NBEAL2: variants seen among roughly 807,000 people sequenced by gnomAD.
NBEAL2 encodes the protein neurobeachin like 2, also known as neurobeachin-like protein 2.
Under a neutral mutation model 299.8 loss-of-function variants are expected in NBEAL2, and 160 were observed. That is an observed-to-expected ratio of 0.53 (90% CI 0.47 to 0.61). The LOEUF (loss-of-function observed/expected upper bound fraction) is 0.61, where lower values mean the gene tolerates loss of function less well. NBEAL2 is among the 20% of genes least tolerant of loss of function. NBEAL2 has a pLI of 0.00. For missense variants in NBEAL2, 3,112 were observed against 3,649.0 expected (o/e 0.85, Z 3.79); for synonymous variants, 1,493 against 1,542.3 (o/e 0.97, Z 0.75).
At chr3:46,993,457 G>T (rs890002951) in intron 10 of NBEAL2, among the ~76,000 whole-genome samples, 1 of 152,244 alleles carries the variant, frequency 6.6e-6, no homozygotes, top group Non-Finnish European at 1.5e-5. Context: ...GATCTAGGGG[G>T]AAGGGGCAAG....
In NBEAL2 at chr3:46,991,723, C is replaced by A. The variant is rs781039919; in HGVS notation, c.925+35C>A. Reference sequence around the variant, plus strand: ...GGCTCCCAGGCTCTTGGGGAAGGGGCACCATGAGGGAAAAGCCTAAGTGAT... The same window carrying A: ...GGCTCCCAGGCTCTTGGGGAAGGGGAACCATGAGGGAAAAGCCTAAGTGAT... On this transcript the variant is annotated intron_variant, in intron 8 of 53. Transcript: ENST00000450053. The surrounding 1 kb of genome is among the most constrained non-coding windows in gnomAD (Gnocchi z 6.2). 3 of 1,580,134 alleles carry A rather than the reference C, an allele frequency of 1.9e-6. No homozygotes were observed. The highest frequency in any genetic ancestry group is 2.3e-5 in the South Asian group (2 of 88,358).
Position 46,991,469 on chromosome 3 carries a change from T to C in NBEAL2, c.706T>C (p.Trp236Arg), listed in dbSNP as rs866678587. 1 of 1,612,378 alleles carries C rather than the reference T, an allele frequency of 6.2e-7. No homozygotes were observed. Among genetic ancestry groups the C allele is most frequent in the African/African-American group, 1.3e-5 (1 of 74,912 alleles). Residue 236 changes from tryptophan to arginine, a missense_variant, in exon 8 of 54, where the codon TGG (tryptophan) becomes CGG (arginine). Physicochemically the swap from Trp to Arg is moderately radical, Grantham distance 101. Transcript: ENST00000450053. This position sits in a 1 kb window ranked among gnomAD's most constrained non-coding sequence, Gnocchi z 6.2. ...GGGCCTGCTGAGTGTGGTGCGGGGC[T>C]GGAGCCGTGGGCCAGCCCCGGACCC... Reference protein sequence around the residue: ...VKGLLSVVRGWSRGPAPDPCL... With the variant: ...VKGLLSVVRGRSRGPAPDPCL...
At position 46,997,437 on chromosome 3, in the gene NBEAL2, A is replaced by AG; in HGVS notation, c.2824+5dup. 2 of 1,607,394 alleles carry AG rather than the reference A, an allele frequency of 1.2e-6. No individual in the cohort carries two copies. The highest frequency in any genetic ancestry group is 2.2e-5 in the South Asian group (2 of 90,972). On this transcript the variant is annotated splice_donor_region_variant and intron_variant, in intron 19 of 53. Coordinates refer to ENST00000450053, the MANE Select transcript of NBEAL2 (RefSeq NM_015175.3). ...CTCCCATTGGGTAAATCTTCAGGTA[A>AG]GTGTTCCTGGTGCCTATGTTGTGGA...
At chr3:46,983,723 G>A (rs2035505953) in intron 1 of NBEAL2, among the ~76,000 whole-genome samples, 1 of 152,124 alleles carries the variant, frequency 6.6e-6, no homozygotes, top group South Asian at 2.1e-4. Context: ...GCACCTGAAG[G>A]AGAAGGGCCT....
rs1305515278 is a variant in NBEAL2 at position 47,007,520 on chromosome 3, G to A, written c.7335-5G>A. ...CCTCACTTGCTATCCCCCTCACTGG[G>A]TCAGGACGCAGCGACTGCTGAGTGG... On this transcript the variant is annotated splice_polypyrimidine_tract_variant and splice_region_variant and intron_variant, in intron 47 of 53. Coordinates refer to ENST00000450053, the MANE Select transcript of NBEAL2 (RefSeq NM_015175.3). 1.9e-6 allele frequency: 3 copies of A among 1,609,778 alleles called. No individual in the cohort carries two copies. Among genetic ancestry groups the A allele is most frequent in the Non-Finnish European group, 2.5e-6 (3 of 1,178,448 alleles).
Position 47,003,781 on chromosome 3 carries a change from G to A in NBEAL2, c.5721-35G>A, listed in dbSNP as rs2037208790. ...TGGGCTTGTGAAGAAGGGGGTCCCA[G>A]AGCCTACAGCGTGAGGTGGGTTGCT... On this transcript the variant is annotated intron_variant, in intron 35 of 53. Transcript: ENST00000450053. This position sits in a 1 kb window ranked among gnomAD's most constrained non-coding sequence, Gnocchi z 7.0. The A allele has an allele frequency of 6.5e-7, 1 of 1,547,610 alleles. No individual in the cohort carries two copies. Among genetic ancestry groups the A allele is most frequent in the African/African-American group, 1.4e-5 (1 of 73,550 alleles).
intron 1 of NBEAL2, among the ~76,000 whole-genome samples, chr3:46,985,842 G>A (rs566950774): frequency 2.0e-5 from 3 of 152,296 alleles, no homozygotes; most frequent in East Asian, 1.9e-4. Context: ...TGGCACAACC[G>A]ACCAAGGCAG....
chr3:46,998,822 C>T lies in NBEAL2; in HGVS notation c.3327C>T (p.Asp1109=), dbSNP rs143491739. The T allele has an allele frequency of 1.6e-4, 246 of 1,571,980 alleles. No homozygotes were observed. Among genetic ancestry groups the T allele is most frequent in the Middle Eastern group, 3.3e-4 (2 of 6,012 alleles). The part of the protein sequence containing the change: ...EFLVRSLSAD[D]VQVTQTMLSF... ...TGGTGCGGAGTCTCTCAGCAGATGA[C>T]GTGCAGGTCACGCAGACCATGCTGA... The change falls in exon 23 of 54, where the codon GAC becomes GAT. Residue 1109 remains aspartate, a synonymous_variant. Transcript: ENST00000450053.
At position 47,002,676 on chromosome 3, in the gene NBEAL2, C is replaced by T. The variant is rs748487401; in HGVS notation, c.5333C>T (p.Ala1778Val). The T allele has an allele frequency of 3.7e-5, 59 of 1,607,012 alleles. No homozygotes were observed. The highest frequency in any genetic ancestry group is 2.0e-4 in the East Asian group (9 of 44,706). Residue 1778 changes from alanine (A) to valine (V), a missense_variant, in exon 33 of 54, where the codon GCG becomes GTG. By Grantham distance (64) the Ala-to-Val change is moderately conservative. Coordinates refer to ENST00000450053, the MANE Select transcript of NBEAL2 (RefSeq NM_015175.3). ...GTGCTGGAACCTGCGCAGAGGCGGG[C>T]GCGCCTGGAGGGGCTACGCTACACG... ...ELVLEPAQRR[A>V]RLEGLRYTAV... is the part of the protein sequence containing the mutation.
rs747202904 is a variant in NBEAL2 at position 46,995,562 on chromosome 3, C to T, written c.1827C>T (p.Leu609=). ...CTGGCTTCACCTTTCATGCCTGGCTCTGTCTGCACCCTATGGATACAGCAC... is the reference window on the plus strand; with the variant it reads ...CTGGCTTCACCTTTCATGCCTGGCTTTGTCTGCACCCTATGGATACAGCAC... The part of the protein sequence containing the change: ...PGPGFTFHAW[L]CLHPMDTAPT... The change falls in exon 13 of 54, where the codon CTC becomes CTT. Residue 609 remains leucine (L), a synonymous_variant. Transcript: ENST00000450053. 5.0e-6 allele frequency: 8 copies of T among 1,612,832 alleles called. No homozygotes were observed. The Admixed American group carries it at 1.0e-4, about 20-fold the overall frequency.
At chr3:47,007,942 C>T (rs369403368) in intron 49 of NBEAL2, 32 bp downstream of exon 49, 271 of 1,599,358 alleles carry the variant, frequency 1.7e-4, no homozygotes, top group African/African-American at 1.5e-3. Flanking sequence ...GTGGGGCCCC[C>T]GTAGCCCAGA....
rs761125174 is a variant in NBEAL2 at position 46,982,826 on chromosome 3, G to C, written c.51+2914G>C. 1.3e-5 allele frequency among the ~76,000 whole-genome samples: 2 copies of C among 152,118 alleles called. No individual in the cohort carries two copies. Among genetic ancestry groups the C allele is most frequent in the Non-Finnish European group, 2.9e-5 (2 of 68,016 alleles). On this transcript the variant is annotated intron_variant, in intron 1 of 53. Transcript: ENST00000450053. The surrounding 1 kb of genome is among the most constrained non-coding windows in gnomAD (Gnocchi z 4.2). Reference sequence around the variant, plus strand: ...AGTCAAGCAGGCCTGGTGGACAGGTGGGGGCTCATCTAGAGGACTCAGAGC... The same window carrying C: ...AGTCAAGCAGGCCTGGTGGACAGGTCGGGGCTCATCTAGAGGACTCAGAGC...
At chr3:46,992,946 C>T (rs927970409) in intron 10 of NBEAL2, among the ~76,000 whole-genome samples, 2 of 152,208 alleles carry the variant, frequency 1.3e-5, no homozygotes, top group East Asian at 3.9e-4. Flanking sequence ...CCACCCTCAG[C>T]GGGTCACTGG....
rs777693538 is a variant in NBEAL2, at chr3:47,009,118, C to T, written c.8157C>T (p.Pro2719=). The T allele has an allele frequency of 1.9e-6, 3 of 1,570,512 alleles. No homozygotes were observed. The highest frequency in any genetic ancestry group is 2.3e-5 in the East Asian group (1 of 43,584). ...GKLIVVVAGQ[P]SEVRSSQFAR... ...TCATCGTGGTGGTCGCGGGGCAGCC[C>T]TCTGAGGTGAGGATGGGGCGGGGGT... is the stretch of plus-strand genomic sequence containing the variant. The change falls in exon 53 of 54, where the codon CCC becomes CCT. Residue 2719 remains proline, a synonymous_variant. Transcript: ENST00000450053.
At position 46,999,560 on chromosome 3, in the gene NBEAL2, G is replaced by A. The variant is rs2036795194; in HGVS notation, c.3704-70G>A. On this transcript the variant is annotated intron_variant, in intron 25 of 53. Coordinates refer to ENST00000450053, the MANE Select transcript of NBEAL2 (RefSeq NM_015175.3). Reference sequence around the variant, plus strand: ...CCGGAAGAAGGAAGATAGTGGCATAGGGGCCAGGGCTGGGCCCTGCCCTTT... The same window carrying A: ...CCGGAAGAAGGAAGATAGTGGCATAAGGGCCAGGGCTGGGCCCTGCCCTTT... 6 of 1,591,036 alleles carry A rather than the reference G, an allele frequency of 3.8e-6. No homozygotes were observed. The East Asian group carries it at 1.4e-4, about 36-fold the overall frequency.
At position 47,008,624 on chromosome 3, in the gene NBEAL2, G is replaced by T; in HGVS notation, c.7983G>T (p.Leu2661Phe). 6.2e-7 allele frequency: 1 copy of T among 1,613,514 alleles called. No individual in the cohort carries two copies. Among genetic ancestry groups the T allele is most frequent in the Non-Finnish European group, 8.5e-7 (1 of 1,179,878 alleles). ...TALTVTEDFVLLGTAQCALHI... is the reference protein window; with the variant it reads ...TALTVTEDFVFLGTAQCALHI... Reference sequence around the variant, plus strand: ...TGACGGTGACAGAGGACTTTGTGTTGCTGGGCACCGCCCAGTGCGCCCTGC... The same window carrying T: ...TGACGGTGACAGAGGACTTTGTGTTTCTGGGCACCGCCCAGTGCGCCCTGC... Residue 2661 changes from leucine (L) to phenylalanine (F), a missense_variant, in exon 52 of 54, where the codon TTG becomes TTT. Physicochemically the swap from Leu to Phe is conservative, Grantham distance 22 (BLOSUM62 0). This residue lies in a region of NBEAL2 where 348 missense variants were observed against 381.4 expected (regional missense o/e 0.91). Transcript: ENST00000450053.
chr3:47,009,504 C>T lies in NBEAL2; in HGVS notation c.*184C>T. The T allele has an allele frequency of 1.6e-6, 1 of 640,888 alleles. No homozygotes were observed. Among genetic ancestry groups the T allele is most frequent in the Non-Finnish European group, 2.7e-6 (1 of 376,816 alleles). 39.7% of individuals were successfully genotyped at this position (640,888 alleles called of 1,614,324 possible). A position where few individuals can be genotyped will look rare whatever the true frequency, so the allele number is the denominator to read the frequency against. ...AGGGATTGGCGGGCGGAAGTCCCGC[C>T]CCTCGCCGGCTGAGGGGCCGCCCTG... On this transcript the variant is annotated 3_prime_UTR_variant, in exon 54 of 54. Transcript: ENST00000450053.
In NBEAL2 at chr3:46,989,736, A is replaced by G. The variant is rs1159897842; in HGVS notation, c.556+143A>G. The G allele has an allele frequency of 9.0e-6, 7 of 780,812 alleles. No individual in the cohort carries two copies. The highest frequency in any genetic ancestry group is 1.6e-5 in the South Asian group (1 of 60,770). 48.4% of individuals were successfully genotyped at this position (780,812 alleles called of 1,614,324 possible). On this transcript the variant is annotated intron_variant, in intron 6 of 53. Transcript: ENST00000450053. This position sits in a 1 kb window ranked among gnomAD's most constrained non-coding sequence, Gnocchi z 5.5. ...AGAACCAAAGACCAAGCAAGAGTTT[A>G]GGGACAGAGACAAGAGAAGACATCT...
At position 47,005,225 on chromosome 3, in the gene NBEAL2, A is replaced by G; in HGVS notation, c.6464A>G (p.His2155Arg). 2.5e-6 allele frequency: 4 copies of G among 1,613,674 alleles called. No homozygotes were observed. Among genetic ancestry groups the G allele is most frequent in the Non-Finnish European group, 2.5e-6 (3 of 1,179,880 alleles). Residue 2155 changes from histidine to arginine, a missense_variant, in exon 40 of 54, where the codon CAC becomes CGC. His to Arg is a conservative substitution (Grantham distance 29). Around this residue, in one of 3 missense-constraint regions of NBEAL2, gnomAD observed 521 missense variants for 729.6 expected, o/e 0.71. Coordinates refer to ENST00000450053, the MANE Select transcript of NBEAL2 (RefSeq NM_015175.3). The part of the protein sequence containing the change: ...EDPAGTIDKF[H>R]YGTHYSNAAG... ...CCAGCAGGGACCATTGACAAGTTCC[A>G]CTATGGCACCCACTACTCCAATGCA...
Sources: gnomAD v4.1 joint callset for allele counts (sites outside exome capture counted in the v4.1 genomes callset) on GRCh38, gnomAD v4.1.1 for gene constraint, gnomAD v4.1.1 regional missense constraint, Gnocchi (gnomAD v3.1) non-coding constraint, MANE v1.5 for transcripts, NCBI Gene and HGNC (gene_info 2026-07-23, HGNC 2026-07-21) for gene names.